The following GPC5 variants were observed in gnomAD, a reference collection of about 807,000 sequenced individuals.
GPC5 encodes the protein glypican-5.
In GPC5, 47 loss-of-function variants were observed where a neutral mutation model predicts 53.9. That is an observed-to-expected ratio of 0.87 (90% CI 0.69 to 1.11). GPC5 has a LOEUF of 1.11. GPC5 is among the 50% of genes most tolerant of loss of function. The pLI, the probability that GPC5 is intolerant of heterozygous loss-of-function variation, is 0.00. For synonymous variants in GPC5, 286 were observed against 263.3 expected (o/e 1.09, Z -0.84); for missense variants, 748 against 713.1 (o/e 1.05, Z -0.56).
chr13:91,600,512 ATT>A (rs1462435742), intron 2 of GPC5, among the ~76,000 whole-genome samples: 9 of 152,080 alleles, frequency 5.9e-5, no homozygotes, highest in Admixed American at 5.9e-4. Flanking sequence ...AATATAAACA[ATT>A]TTTATTTTTC....
chr13:92,052,231 T>A (rs2041035584), intron 6 of GPC5, among the ~76,000 whole-genome samples: 1 of 152,210 alleles, frequency 6.6e-6, no homozygotes, highest in Non-Finnish European at 1.5e-5. Flanking sequence ...TGCTTTGGGT[T>A]ATGTCCACTA....
chr13:91,759,357 A>G (rs890201152), intron 5 of GPC5, among the ~76,000 whole-genome samples: 9 of 152,080 alleles, frequency 5.9e-5, no homozygotes, highest in African/African-American at 2.2e-4. Flanking sequence ...TCAAGCACTT[A>G]TCATTTCTTT....
rs561923560 is a variant in GPC5 at position 92,366,111 on chromosome 13, A to G, written c.1561+221122A>G. 3.2e-4 allele frequency among the ~76,000 whole-genome samples: 49 copies of G among 151,784 alleles called. 2 individuals carry two copies. The highest frequency in any genetic ancestry group is 5.7e-4 in the Non-Finnish European group (39 of 68,012). ...GTAATGCATCCTGCTATGATGTCAC[A>G]ATGGTCATGACATCACTAGGTGATA... is the stretch of plus-strand genomic sequence containing the variant. On this transcript the variant is annotated intron_variant, in intron 7 of 7. Transcript: ENST00000377067.
intron 5 of GPC5, among the ~76,000 whole-genome samples, chr13:91,898,065 A>T (rs1594649463): frequency 6.6e-6 from 1 of 152,330 alleles, no homozygotes; most frequent in Non-Finnish European, 1.5e-5. Context: ...TATATTCTTC[A>T]CCAAGTCATA....
intron 4 of GPC5, among the ~76,000 whole-genome samples, chr13:91,732,933 T>C (rs2036733297): frequency 6.6e-6 from 1 of 152,194 alleles, no homozygotes; most frequent in Admixed American, 6.5e-5. Flanking sequence ...AGCCTTGTAC[T>C]ATAGTTTGAG....
At chr13:92,627,799 T>A (rs903055054) in intron 7 of GPC5, among the ~76,000 whole-genome samples, 1 of 152,194 alleles carries the variant, frequency 6.6e-6, no homozygotes, top group South Asian at 2.1e-4. Context: ...CATACAAATA[T>A]ATGTTCTCCT....
intron 7 of GPC5, among the ~76,000 whole-genome samples, chr13:92,798,460 C>T (rs1288430676): frequency 1.3e-5 from 2 of 151,702 alleles, no homozygotes; most frequent in Non-Finnish European, 2.9e-5. Flanking sequence ...ATTAGATATT[C>T]TTCATATTGA....
chr13:92,333,799 G>A (rs2043304013), intron 7 of GPC5, among the ~76,000 whole-genome samples: 1 of 152,076 alleles, frequency 6.6e-6, no homozygotes, highest in African/African-American at 2.4e-5. Flanking sequence ...AGAGCAAGCA[G>A]ACATGACAGG....
At chr13:92,384,919 C>T (rs1296213233) in intron 7 of GPC5, among the ~76,000 whole-genome samples, 1 of 152,058 alleles carries the variant, frequency 6.6e-6, no homozygotes, top group Admixed American at 6.6e-5. Flanking sequence ...CCCATCACCA[C>T]CTTTGACTTT....
chr13:92,757,654 A>AT (rs1217364536), intron 7 of GPC5, among the ~76,000 whole-genome samples: 1 of 151,430 alleles, frequency 6.6e-6, no homozygotes, highest in Non-Finnish European at 1.5e-5. Flanking sequence ...AAACAACCCC[A>AT]TCAAAAAGTG....
rs147258797 is a variant in GPC5 at position 91,976,179 on chromosome 13, A to T, written c.1401+68122A>T. On this transcript the variant is annotated intron_variant, in intron 6 of 7. Coordinates refer to ENST00000377067, the MANE Select transcript of GPC5 (RefSeq NM_004466.6). Reference sequence around the variant, plus strand: ...GAGATATACCTAATGTTAAATGACGAGTTAATGGGTGCAGCACACCAACAT... The same window carrying T: ...GAGATATACCTAATGTTAAATGACGTGTTAATGGGTGCAGCACACCAACAT... Among the ~76,000 whole-genome samples the T allele has an allele frequency of 4.8e-3, 731 of 152,298 alleles. 1 individual carries two copies. Among genetic ancestry groups the T allele is most frequent in the Middle Eastern group, 0.01 (3 of 294 alleles).
intron 7 of GPC5, among the ~76,000 whole-genome samples, chr13:92,611,079 T>C (rs1884420325): frequency 6.6e-6 from 1 of 151,826 alleles, no homozygotes; most frequent in Non-Finnish European, 1.5e-5. Context: ...AGTTCAGATA[T>C]ATAAGAGATA....
intron 7 of GPC5, among the ~76,000 whole-genome samples, chr13:92,225,297 C>A (rs1165105276): frequency 6.6e-6 from 1 of 152,132 alleles, no homozygotes; most frequent in Non-Finnish European, 1.5e-5. Flanking sequence ...TCATTTTAAG[C>A]TATTTGAATG....
At chr13:92,036,982 T>A (rs2138817240) in intron 6 of GPC5, among the ~76,000 whole-genome samples, 1 of 152,314 alleles carries the variant, frequency 6.6e-6, no homozygotes, top group Non-Finnish European at 1.5e-5. Context: ...CTTTTTGTAG[T>A]CAGTTTTTCA....
At chr13:92,802,560 A>G (rs1467932241) in intron 7 of GPC5, among the ~76,000 whole-genome samples, 1 of 151,952 alleles carries the variant, frequency 6.6e-6, no homozygotes, top group African/African-American at 2.4e-5. Flanking sequence ...AATGTCCAAC[A>G]ATGATAGACT....
At chr13:92,757,607 T>C (rs1256260391) in intron 7 of GPC5, among the ~76,000 whole-genome samples, 2 of 152,062 alleles carry the variant, frequency 1.3e-5, no homozygotes, top group Non-Finnish European at 2.9e-5. Flanking sequence ...ATATCCAGAA[T>C]CTACAATGAA....
At chr13:92,243,206 T>G (rs1032484401) in intron 7 of GPC5, among the ~76,000 whole-genome samples, 2 of 152,314 alleles carry the variant, frequency 1.3e-5, no homozygotes, top group East Asian at 3.9e-4. Flanking sequence ...CTCACAGACT[T>G]TTCACAACTA....
intron 5 of GPC5, among the ~76,000 whole-genome samples, chr13:91,807,788 C>A (rs1343438550): frequency 6.6e-6 from 1 of 152,090 alleles, no homozygotes; most frequent in African/African-American, 2.4e-5. Flanking sequence ...TCATGTCAAG[C>A]AATATTTTCC....
chr13:91,669,529 A>C (rs2035195580), intron 2 of GPC5, among the ~76,000 whole-genome samples: 1 of 152,164 alleles, frequency 6.6e-6, no homozygotes, highest in African/African-American at 2.4e-5. Flanking sequence ...ACCTTCTAAG[A>C]GAAATCTCAT....
Sources: gnomAD v4.1 joint callset for allele counts (sites outside exome capture counted in the v4.1 genomes callset) on GRCh38, gnomAD v4.1.1 for gene constraint, MANE v1.5 for transcripts, NCBI Gene and HGNC (gene_info 2026-07-23, HGNC 2026-07-21) for gene names.